Variants in SCFD2 observed in about 807,000 individuals in gnomAD.
SCFD2 encodes sec1 family domain-containing protein 2.
A neutral mutation model predicts 58.9 loss-of-function variants in SCFD2; 54 were observed. The observed-to-expected ratio is 0.92, with a 90% CI of 0.74 to 1.15. The LOEUF is 1.15. SCFD2 is among the 50% of genes most tolerant of loss of function. The probability of loss-of-function intolerance (pLI) is 0.00; values close to 1 mark genes in which losing one functional copy is unlikely to be tolerated. For synonymous variants in SCFD2, 321 were observed against 335.9 expected (o/e 0.96, Z 0.49); for missense variants, 805 against 836.6 (o/e 0.96, Z 0.47).
Position 53,272,924 on chromosome 4 carries a change from T to C in SCFD2, c.1311+902A>G, listed in dbSNP as rs1305619038. 8.5e-5 allele frequency among the ~76,000 whole-genome samples: 13 copies of C among 152,182 alleles called. No homozygotes were observed. In the South Asian group the frequency reaches 1.0e-3, roughly 12 times the overall value. ...GATATTTATAGTATAATATCACTTATGTAAAATTAAAACCCATAGCATAAA... is the reference window on the plus strand; with the variant it reads ...GATATTTATAGTATAATATCACTTACGTAAAATTAAAACCCATAGCATAAA... On this transcript the variant is annotated intron_variant, in intron 4 of 8. Transcript: ENST00000401642.
At chr4:52,919,822 A>G (rs1719692887) in intron 6 of SCFD2, among the ~76,000 whole-genome samples, 1 of 152,238 alleles carries the variant, frequency 6.6e-6, no homozygotes, top group African/African-American at 2.4e-5. Flanking sequence ...GCAGTGGGTA[A>G]CATTAGCTCA....
At chr4:53,073,936 A>G (rs1341937948) in intron 5 of SCFD2, among the ~76,000 whole-genome samples, 1 of 152,116 alleles carries the variant, frequency 6.6e-6, no homozygotes, top group Non-Finnish European at 1.5e-5. Flanking sequence ...CTGACTGATC[A>G]GGGTAGTGGG....
intron 4 of SCFD2, among the ~76,000 whole-genome samples, chr4:53,214,465 T>C (rs1356377463): frequency 6.6e-6 from 1 of 152,138 alleles, no homozygotes; most frequent in Non-Finnish European, 1.5e-5. Context: ...TTTTGAGAAG[T>C]GTCTGTTCAT....
At chr4:53,121,561 A>T (rs1443516944) in intron 5 of SCFD2, among the ~76,000 whole-genome samples, 1 of 152,198 alleles carries the variant, frequency 6.6e-6, no homozygotes, top group Non-Finnish European at 1.5e-5. Context: ...GGCTGATTGA[A>T]TTGGGAACAT....
chr4:52,905,872 G>A (rs1719335765), intron 7 of SCFD2, among the ~76,000 whole-genome samples: 1 of 152,182 alleles, frequency 6.6e-6, no homozygotes, highest in South Asian at 2.1e-4. Flanking sequence ...GACAGAAAAT[G>A]CAGGTGGATA....
chr4:53,058,026 C>T (rs1405492420), intron 5 of SCFD2, among the ~76,000 whole-genome samples: 1 of 152,078 alleles, frequency 6.6e-6, no homozygotes. Flanking sequence ...CCCCTTCATC[C>T]TCGGCAACTT....
At chr4:52,898,601 G>A (rs1361666057) in intron 7 of SCFD2, among the ~76,000 whole-genome samples, 3 of 152,170 alleles carry the variant, frequency 2.0e-5, no homozygotes, top group Admixed American at 1.3e-4. Flanking sequence ...AATAGGTGTG[G>A]TGCGGTGCTG....
chr4:53,301,666 C>G (rs1467600239), intron 3 of SCFD2, among the ~76,000 whole-genome samples: 1 of 152,168 alleles, frequency 6.6e-6, no homozygotes, highest in Non-Finnish European at 1.5e-5. Context: ...AATTTTAGAC[C>G]AATATCATTG....
intron 4 of SCFD2, among the ~76,000 whole-genome samples, chr4:53,192,315 T>C (rs1246918112): frequency 2.6e-5 from 4 of 152,180 alleles, no homozygotes; most frequent in African/African-American, 9.7e-5. Flanking sequence ...TACCTTTCCT[T>C]ATCGTTTGTA....
At chr4:53,047,068 T>C (rs1295891288) in intron 5 of SCFD2, among the ~76,000 whole-genome samples, 1 of 152,200 alleles carries the variant, frequency 6.6e-6, no homozygotes, top group African/African-American at 2.4e-5. Flanking sequence ...ATGCCTACTA[T>C]ATTCCAAAAA....
At chr4:53,334,518 GCATATTCT>G (rs990708401) in intron 2 of SCFD2, among the ~76,000 whole-genome samples, 7 of 143,706 alleles carry the variant, frequency 4.9e-5, no homozygotes, top group African/African-American at 1.6e-4. Context: ...ACCAAACACC[GCATATTCT>G]CACTCATAGG....
intron 5 of SCFD2, among the ~76,000 whole-genome samples, chr4:52,928,788 C>G (rs1719921565): frequency 6.6e-6 from 1 of 152,134 alleles, no homozygotes; most frequent in African/African-American, 2.4e-5. Context: ...AGCAGAGACT[C>G]TGGACTCGCC....
chr4:53,296,516 ATTCTTCTCTCTTTTC>A (rs939454455), intron 3 of SCFD2, among the ~76,000 whole-genome samples: 8 of 151,590 alleles, frequency 5.3e-5, no homozygotes, highest in Non-Finnish European at 1.0e-4. Context: ...TATCTATTTG[ATTCTTCTCTCTTTTC>A]TTCTTTGTTA....
chr4:53,226,534 C>G (rs1375210493), intron 4 of SCFD2, among the ~76,000 whole-genome samples: 2 of 151,934 alleles, frequency 1.3e-5, no homozygotes, highest in African/African-American at 4.8e-5. Flanking sequence ...AAATTTTTCA[C>G]TAACATTCTG....
At chr4:53,243,353 C>A (rs1396335826) in intron 4 of SCFD2, among the ~76,000 whole-genome samples, 21 of 152,102 alleles carry the variant, frequency 1.4e-4, no homozygotes, top group Admixed American at 4.6e-4. Context: ...GAAATTCCAA[C>A]CAAGAGTTTC....
intron 5 of SCFD2, among the ~76,000 whole-genome samples, chr4:53,010,382 T>C (rs1173968993): frequency 6.6e-6 from 1 of 152,228 alleles, no homozygotes; most frequent in Non-Finnish European, 1.5e-5. Context: ...AACGTGACTT[T>C]TACACAATAG....
chr4:53,027,603 G>A (rs539473195), intron 5 of SCFD2, among the ~76,000 whole-genome samples: 28 of 151,884 alleles, frequency 1.8e-4, no homozygotes, highest in Admixed American at 1.6e-3. Flanking sequence ...CAAGGCAGGC[G>A]GATCACTTGG....
At chr4:53,056,132 T>A (rs918597827) in intron 5 of SCFD2, among the ~76,000 whole-genome samples, 24 of 151,948 alleles carry the variant, frequency 1.6e-4, no homozygotes, top group African/African-American at 5.3e-4. Context: ...GTAGCTTTTT[T>A]TTTTTTTTTT....
At chr4:53,215,279 A>C (rs1022518876) in intron 4 of SCFD2, among the ~76,000 whole-genome samples, 45 of 152,182 alleles carry the variant, frequency 3.0e-4, no homozygotes, top group Non-Finnish European at 4.9e-4. Flanking sequence ...TTCTTCCTAG[A>C]CATGAGCATG....
Sources: allele counts gnomAD v4.1 joint callset (sites outside exome capture counted in the v4.1 genomes callset), GRCh38; gene constraint gnomAD v4.1.1; transcripts MANE v1.5; gene names NCBI Gene and HGNC (gene_info 2026-07-23, HGNC 2026-07-21).